TRDMT1: variants seen among roughly 807,000 people sequenced by gnomAD.
TRDMT1 encodes the protein tRNA aspartic acid methyltransferase 1.
In TRDMT1, 49 loss-of-function variants were observed where a neutral mutation model predicts 51.2. The ratio of observed to expected loss-of-function variants is 0.96; its 90% CI spans 0.76 to 1.21. TRDMT1 has a LOEUF of 1.21. Among genes scored for constraint, TRDMT1 ranks in the 50% most tolerant of loss-of-function variants. TRDMT1 has a pLI of 0.00. For missense variants in TRDMT1, 534 were observed against 462.3 expected (o/e 1.16, Z -1.42); for synonymous variants, 187 against 164.6 (o/e 1.14, Z -1.04).
Position 17,143,319 on chromosome 10 carries a change from T to C in TRDMT1, c.*5721A>G, listed in dbSNP as rs980182184. ...ACAACGTATTAACAATCTCTGCCCTTGTGGAAGTTTACATTCTCTAAAACA... is the reference window on the plus strand; with the variant it reads ...ACAACGTATTAACAATCTCTGCCCTCGTGGAAGTTTACATTCTCTAAAACA... On this transcript the variant is annotated 3_prime_UTR_variant, in exon 11 of 11. Coordinates refer to ENST00000377799, the MANE Select transcript of TRDMT1 (RefSeq NM_004412.7). 7.1e-6 allele frequency: 7 copies of C among 985,220 alleles called. No individual in the cohort carries two copies. In the African/African-American group the frequency reaches 1.2e-4, roughly 17 times the overall value. The allele number at this position is 985,220 out of a possible 1,614,324, so 61.0% of individuals were successfully genotyped here. A position where few individuals can be genotyped will look rare whatever the true frequency, so the allele number is the denominator to read the frequency against.
intron 9 of TRDMT1, 40 bp downstream of exon 9, chr10:17,154,635 TAA>T (rs1271901206): frequency 2.0e-6 from 3 of 1,503,088 alleles, no homozygotes; most frequent in Non-Finnish European, 2.7e-6. Context: ...CAATTTTAGT[TAA>T]AAGTTTTAAA....
rs567571680 is a variant in TRDMT1, at chr10:17,162,244, G to A, written c.252-7C>T. Reference sequence around the variant, plus strand: ...ATCACCCTGCCGGCCAATCCTAAAGGGGTAAAAAAAAAAAAAAACAAAAAA... The same window carrying A: ...ATCACCCTGCCGGCCAATCCTAAAGAGGTAAAAAAAAAAAAAAACAAAAAA... On this transcript the variant is annotated splice_region_variant and splice_polypyrimidine_tract_variant and intron_variant, in intron 3 of 10. Transcript: ENST00000377799. 8.1e-6 allele frequency: 12 copies of A among 1,482,560 alleles called. No homozygotes were observed. The South Asian group carries it at 1.3e-4, about 16-fold the overall frequency. The allele number at this position is 1,482,560 out of a possible 1,614,324, so 91.8% of individuals were successfully genotyped here.
At chr10:17,157,984 A>C (rs11254409) in intron 7 of TRDMT1, among the ~76,000 whole-genome samples, 200 bp from the exon 8 acceptor site, 3,766 of 152,256 alleles carry the variant, frequency 0.025, 139 homozygotes, top group African/African-American at 0.084. Context: ...ATCAGGCTGC[A>C]GATGATTTAT....
At chr10:17,177,494 G>A (rs73606318) in intron 1 of TRDMT1, among the ~76,000 whole-genome samples, 8 of 151,988 alleles carry the variant, frequency 5.3e-5, no homozygotes, top group African/African-American at 9.7e-5. Context: ...GGGCCACCAC[G>A]CTTGGCTGAA....
intron 2 of TRDMT1, among the ~76,000 whole-genome samples, chr10:17,173,718 G>A (rs926664601): frequency 2.0e-5 from 3 of 151,204 alleles, no homozygotes; most frequent in Non-Finnish European, 4.4e-5. Context: ...GAAATTTCAT[G>A]AGAAATTTGT....
At chr10:17,150,772 G>C (rs946688404) in intron 10 of TRDMT1, 1 of 984,564 alleles carries the variant, frequency 1.0e-6, no homozygotes. Flanking sequence ...AGCAATTACT[G>C]TTGCAATTAA....
In TRDMT1 at chr10:17,161,484, T is replaced by C. The variant is rs758637741; in HGVS notation, c.388A>G (p.Arg130Gly). 1.5e-6 allele frequency: 2 copies of C among 1,370,262 alleles called. No homozygotes were observed. Among genetic ancestry groups the C allele is most frequent in the South Asian group, 2.8e-5 (2 of 72,698 alleles). The allele number at this position is 1,370,262 out of a possible 1,614,324, so 84.9% of individuals were successfully genotyped here. Residue 130 changes from arginine (R) to glycine (G), a missense_variant and splice_region_variant, in exon 5 of 11, where the codon AGA becomes GGA. Physicochemically the swap from Arg to Gly is moderately radical, Grantham distance 125. Transcript: ENST00000377799. ...TGCAAGACAAATACATTTTTTTACC[T>C]TGTAGAAGATACTTCAAAACCTTTA... ...NVKGFEVSST[R>G]DLLIQTIENC...
In TRDMT1 at chr10:17,151,338, T is replaced by C. The variant is rs1838705545; in HGVS notation, c.1075+2169A>G. The C allele has an allele frequency of 7.1e-6, 7 of 985,270 alleles. 1 individual carries two copies. The South Asian group carries it at 2.8e-4, about 40-fold the overall frequency. The allele number at this position is 985,270 out of a possible 1,614,324, so 61.0% of individuals were successfully genotyped here. A position where few individuals can be genotyped will look rare whatever the true frequency, so the allele number is the denominator to read the frequency against. On this transcript the variant is annotated intron_variant, in intron 10 of 10. Coordinates refer to ENST00000377799, the MANE Select transcript of TRDMT1 (RefSeq NM_004412.7). Reference sequence around the variant, plus strand: ...GATGAACAAGGTCAAGATATCAGCTTTCACCCGTAAGGACAGGTTAGTGTT... The same window carrying C: ...GATGAACAAGGTCAAGATATCAGCTCTCACCCGTAAGGACAGGTTAGTGTT...
At chr10:17,160,250 GA>G (rs982720811) in intron 6 of TRDMT1, 54 bp downstream of exon 6, 33 of 1,214,140 alleles carry the variant, frequency 2.7e-5, no homozygotes, top group South Asian at 1.0e-4. Flanking sequence ...TTTCCTTTGG[GA>G]AAAAAAGCCT....
rs755039956 is a variant in TRDMT1 at position 17,146,772 on chromosome 10, T to C, written c.*2268A>G. On this transcript the variant is annotated 3_prime_UTR_variant, in exon 11 of 11. Transcript: ENST00000377799. ...CAGAATTTCCAGTGCAAATTTTATA[T>C]ACAGCATTATTACCAAAAGCATATA... 2.4e-4 allele frequency: 237 copies of C among 985,328 alleles called. 1 individual carries two copies. The highest frequency in any genetic ancestry group is 2.8e-4 in the Non-Finnish European group (232 of 829,934). 61.0% of individuals were successfully genotyped at this position (985,328 alleles called of 1,614,324 possible). A position where few individuals can be genotyped will look rare whatever the true frequency, so the allele number is the denominator to read the frequency against.
At chr10:17,185,533 C>G (rs1843770682) in intron 1 of TRDMT1, among the ~76,000 whole-genome samples, 1 of 152,090 alleles carries the variant, frequency 6.6e-6, no homozygotes, top group South Asian at 2.1e-4. Context: ...GGATCTAGAA[C>G]TAGAAATACC....
intron 3 of TRDMT1, 99 bp from the exon 4 acceptor site, chr10:17,162,336 A>G: frequency 8.5e-7 from 1 of 1,169,880 alleles, no homozygotes; most frequent in Non-Finnish European, 1.2e-6. Flanking sequence ...CAAAAGGAGA[A>G]TAAAAATAAG....
At position 17,144,869 on chromosome 10, in the gene TRDMT1, G is replaced by T. The variant is rs892696267; in HGVS notation, c.*4171C>A. The T allele has an allele frequency of 1.0e-6, 1 of 984,954 alleles. No individual in the cohort carries two copies. The highest frequency in any genetic ancestry group is 1.8e-5 in the African/African-American group (1 of 57,088). 61.0% of individuals were successfully genotyped at this position (984,954 alleles called of 1,614,324 possible). Reference sequence around the variant, plus strand: ...TTCACCAGCAAAGACAAGAAATAGTGAAAGGGAAAATGATGCACACAGGTT... The same window carrying T: ...TTCACCAGCAAAGACAAGAAATAGTTAAAGGGAAAATGATGCACACAGGTT... On this transcript the variant is annotated 3_prime_UTR_variant, in exon 11 of 11. Coordinates refer to ENST00000377799, the MANE Select transcript of TRDMT1 (RefSeq NM_004412.7).
chr10:17,192,082 A>T (rs1844762865), intron 1 of TRDMT1, among the ~76,000 whole-genome samples: 1 of 152,186 alleles, frequency 6.6e-6, no homozygotes, highest in Non-Finnish European at 1.5e-5. Flanking sequence ...CAGCGCAAAA[A>T]TTAAGTCTGA....
rs1268587090 is a variant in TRDMT1, at chr10:17,144,826, A to T, written c.*4214T>A. 4.1e-6 allele frequency: 4 copies of T among 983,968 alleles called. No homozygotes were observed. The highest frequency in any genetic ancestry group is 1.8e-5 in the African/African-American group (1 of 57,036). 61.0% of individuals were successfully genotyped at this position (983,968 alleles called of 1,614,324 possible). ...AAAAATACTTTTTCTTTTTTTTTTT[A>T]AACTGAAGCTTTAAAATTTCACCAG... On this transcript the variant is annotated 3_prime_UTR_variant, in exon 11 of 11. Coordinates refer to ENST00000377799, the MANE Select transcript of TRDMT1 (RefSeq NM_004412.7).
At chr10:17,196,566 T>G (rs766101123) in intron 1 of TRDMT1, among the ~76,000 whole-genome samples, 2 of 152,264 alleles carry the variant, frequency 1.3e-5, no homozygotes, top group Admixed American at 6.5e-5. Flanking sequence ...GCCAAAACTT[T>G]GTAGACTGTG....
At chr10:17,163,231 A>G (rs58246482) in intron 3 of TRDMT1, among the ~76,000 whole-genome samples, 4,810 of 152,258 alleles carry the variant, frequency 0.032, 245 homozygotes, top group African/African-American at 0.11. Context: ...ATCCTACAAG[A>G]AAGATTCACA....
At chr10:17,168,786 T>C (rs1841567251) in intron 3 of TRDMT1, 55 bp downstream of exon 3, 1 of 1,308,262 alleles carries the variant, frequency 7.6e-7, no homozygotes, top group African/African-American at 1.5e-5. Flanking sequence ...AGGTATGTCT[T>C]TATCAGCAGC....
At chr10:17,166,012 C>G (rs912410181) in intron 3 of TRDMT1, among the ~76,000 whole-genome samples, 3 of 152,148 alleles carry the variant, frequency 2.0e-5, no homozygotes, top group Non-Finnish European at 4.4e-5. Context: ...CCTGCCATCC[C>G]ATTACTGGGT....
Sources: gnomAD v4.1 joint callset for allele counts (sites outside exome capture counted in the v4.1 genomes callset) on GRCh38, gnomAD v4.1.1 for gene constraint, MANE v1.5 for transcripts, NCBI Gene and HGNC (gene_info 2026-07-23, HGNC 2026-07-21) for gene names.